The following INSC variants were observed in gnomAD, a reference collection of about 807,000 sequenced individuals.
INSC encodes the protein protein inscuteable homolog.
Under a neutral mutation model 58.6 loss-of-function variants are expected in INSC, and 67 were observed. That is an observed-to-expected ratio of 1.14 (90% CI 0.94 to 1.40). The LOEUF (loss-of-function observed/expected upper bound fraction) is 1.40, where lower values mean the gene tolerates loss of function less well. Among genes scored for constraint, INSC ranks in the 40% most tolerant of loss-of-function variants. The pLI, the probability that INSC is intolerant of heterozygous loss-of-function variation, is 0.00. For missense variants in INSC, 714 were observed against 692.0 expected (o/e 1.03, Z -0.36); for synonymous variants, 262 against 276.1 (o/e 0.95, Z 0.51).
chr11:15,188,274 A>G, intron 5 of INSC: 1 of 985,482 alleles, frequency 1.0e-6, no homozygotes, highest in East Asian at 1.1e-4. Context: ...CTATTTGGCA[A>G]AACTTGCTAA....
At chr11:15,200,677 T>C in intron 6 of INSC, 147 bp from the exon 7 acceptor site, 1 of 864,514 alleles carries the variant, frequency 1.2e-6, no homozygotes, top group Non-Finnish European at 1.8e-6. Context: ...AGCATTTGAG[T>C]GTGTGTAAGT....
At chr11:15,120,916 T>C (rs1195060934) in intron 1 of INSC, among the ~76,000 whole-genome samples, 2 of 151,490 alleles carry the variant, frequency 1.3e-5, no homozygotes, top group African/African-American at 2.4e-5. Context: ...ACTGTTTACA[T>C]GATCTTCCAT....
intron 2 of INSC, among the ~76,000 whole-genome samples, chr11:15,152,551 CT>C (rs1382627025): frequency 1.3e-5 from 2 of 152,124 alleles, no homozygotes; most frequent in Admixed American, 6.5e-5. Context: ...CCTTGTTTTC[CT>C]TTTGTGTTCA....
intron 7 of INSC, among the ~76,000 whole-genome samples, chr11:15,210,547 G>GTGTGTGTGTGT (rs1554921705): frequency 1.3e-5 from 2 of 148,662 alleles, no homozygotes; most frequent in Non-Finnish European, 3.0e-5. Context: ...GTGTGTGTGT[G>GTGTGTGTGTGT]GTGGAGTGGG....
At chr11:15,115,832 C>T (rs759295284) in intron 1 of INSC, among the ~76,000 whole-genome samples, 1 of 152,240 alleles carries the variant, frequency 6.6e-6, no homozygotes, top group Non-Finnish European at 1.5e-5. Context: ...CTGTGGACAA[C>T]GACATGTATG....
At chr11:15,189,870 G>T (rs1349953900) in intron 5 of INSC, among the ~76,000 whole-genome samples, 1 of 152,218 alleles carries the variant, frequency 6.6e-6, no homozygotes, top group African/African-American at 2.4e-5. Context: ...GCAAATGGCT[G>T]ATGATGAAGT....
intron 5 of INSC, among the ~76,000 whole-genome samples, chr11:15,179,059 A>G (rs1849672508): frequency 6.6e-6 from 1 of 152,194 alleles, no homozygotes; most frequent in South Asian, 2.1e-4. Context: ...TTCCAGAAAG[A>G]GGGAGGGATT....
At chr11:15,186,530 T>C (rs533520015) in intron 5 of INSC, among the ~76,000 whole-genome samples, 1 of 152,324 alleles carries the variant, frequency 6.6e-6, no homozygotes, top group South Asian at 2.1e-4. Context: ...AAGTTTGGGG[T>C]CTGTCAAAAT....
At chr11:15,125,010 G>A (rs1847958374) in intron 1 of INSC, among the ~76,000 whole-genome samples, 1 of 152,078 alleles carries the variant, frequency 6.6e-6, no homozygotes, top group Non-Finnish European at 1.5e-5. Flanking sequence ...TTGGGAAGAT[G>A]GACTGTAAAC....
At chr11:15,203,293 C>G (rs1850667261) in intron 7 of INSC, among the ~76,000 whole-genome samples, 1 of 152,192 alleles carries the variant, frequency 6.6e-6, no homozygotes, top group Admixed American at 6.5e-5. Context: ...GTGCTAACCC[C>G]TCACATCCCC....
chr11:15,247,733 G>GTATATATATATATATATATA (rs57312382), downstream of INSC, among the ~76,000 whole-genome samples: 2,941 of 126,916 alleles, frequency 0.023, 93 homozygotes, highest in Non-Finnish European at 0.033. Context: ...TAGAAATAAG[G>GTATATATATATATATATATA]TATATATATA....
intron 9 of INSC, among the ~76,000 whole-genome samples, 159 bp from the exon 10 acceptor site, chr11:15,235,443 T>C (rs1344696190): frequency 6.6e-6 from 1 of 151,990 alleles, no homozygotes; most frequent in Non-Finnish European, 1.5e-5. Context: ...CAGGAGCCCA[T>C]AAGGATGGAA....
Position 15,149,118 on chromosome 11 carries a change from CT to C in INSC, c.-45-11del. 6.3e-7 allele frequency: 1 copy of C among 1,595,060 alleles called. No homozygotes were observed. Among genetic ancestry groups the C allele is most frequent in the Non-Finnish European group, 8.5e-7 (1 of 1,171,032 alleles). Reference sequence around the variant, plus strand: ...TAGGATCTCGTTGTGCCATCCTGCCCTCTATTTTCAGGGTCACGACCGCTGC... The same window carrying C: ...TAGGATCTCGTTGTGCCATCCTGCCCCTATTTTCAGGGTCACGACCGCTGC... On this transcript the variant is annotated splice_polypyrimidine_tract_variant and intron_variant, in intron 1 of 12. Transcript: ENST00000379556.
chr11:15,212,986 G>T (rs1488083286), intron 7 of INSC, among the ~76,000 whole-genome samples: 1 of 152,156 alleles, frequency 6.6e-6, no homozygotes, highest in Non-Finnish European at 1.5e-5. Context: ...GATTAAAAAT[G>T]AGGCTCATAG....
Position 15,175,983 on chromosome 11 carries a change from G to T in INSC, c.299G>T (p.Trp100Leu). The T allele has an allele frequency of 6.2e-7, 1 of 1,611,912 alleles. No individual in the cohort carries two copies. The highest frequency in any genetic ancestry group is 2.2e-5 in the East Asian group (1 of 44,766). Residue 100 changes from tryptophan (W) to leucine (L), a missense_variant, in exon 3 of 13, where the codon TGG (tryptophan) becomes TTG (leucine). Coordinates refer to ENST00000379556, the MANE Select transcript of INSC (RefSeq NM_001042536.3). ...GGGCAGAAGCTGGCCCAGGACCGCT[G>T]GGCACGGGTGCACAGCATGAGCGTG... Reference protein sequence around the residue: ...RIGQKLAQDRWARVHSMSVRL... With the variant: ...RIGQKLAQDRLARVHSMSVRL...
chr11:15,217,854 A>G (rs1040131852), intron 7 of INSC, among the ~76,000 whole-genome samples: 1 of 152,204 alleles, frequency 6.6e-6, no homozygotes, highest in South Asian at 2.1e-4. Context: ...TAGCCATAAA[A>G]TTGGCAAAAA....
intron 2 of INSC, among the ~76,000 whole-genome samples, chr11:15,169,470 A>C (rs1849316699): frequency 6.6e-6 from 1 of 152,166 alleles, no homozygotes; most frequent in Non-Finnish European, 1.5e-5. Flanking sequence ...TCCCTGCATG[A>C]GGCTCATGAT....
In INSC at chr11:15,130,693, G is replaced by C. The variant is rs185529687; in HGVS notation, c.-46+15690G>C. ...TATAAACTCATGCTTCTCTGGGTTT[G>C]GTGTTTTCCTTACGGGAAGATTTTC... On this transcript the variant is annotated intron_variant, in intron 1 of 12. Coordinates refer to ENST00000379556, the MANE Select transcript of INSC (RefSeq NM_001042536.3). Among the ~76,000 whole-genome samples the C allele has an allele frequency of 2.6e-4, 39 of 152,102 alleles. 1 individual carries two copies. In the South Asian group the frequency reaches 7.7e-3, roughly 30 times the overall value.
chr11:15,246,209 T>A lies in INSC; in HGVS notation c.*169T>A. ...ATCTTAGAGCAACATCATCAAACAG[T>A]CTTTGGTCCTTGAGAATCTTCTTTG... On this transcript the variant is annotated 3_prime_UTR_variant, in exon 13 of 13. Coordinates refer to ENST00000379556, the MANE Select transcript of INSC (RefSeq NM_001042536.3). 1.7e-6 allele frequency: 1 copy of A among 597,440 alleles called. No homozygotes were observed. Among genetic ancestry groups the A allele is most frequent in the Non-Finnish European group, 2.7e-6 (1 of 363,706 alleles). 37.0% of individuals were successfully genotyped at this position (597,440 alleles called of 1,614,324 possible).
Sources: allele counts gnomAD v4.1 joint callset (sites outside exome capture counted in the v4.1 genomes callset), GRCh38; gene constraint gnomAD v4.1.1; transcripts MANE v1.5; gene names NCBI Gene and HGNC (gene_info 2026-07-23, HGNC 2026-07-21).